The following CELF2 variants were observed in gnomAD, a reference collection of about 807,000 sequenced individuals.
The protein encoded by CELF2 is CUGBP Elav-like family member 2.
Under a neutral mutation model 62.6 loss-of-function variants are expected in CELF2, and 8 were observed. That is an observed-to-expected ratio of 0.13 (90% confidence interval 0.07 to 0.23). The LOEUF (loss-of-function observed/expected upper bound fraction) is 0.23. Ranked by LOEUF, CELF2 falls within the 10% of genes least tolerant of loss-of-function variation. CELF2 has a pLI of 1.00. For missense variants in CELF2, 333 were observed against 671.0 expected (o/e 0.50, Z 5.56); for synonymous variants, 258 against 250.0 (o/e 1.03, Z -0.30).
chr10:11,043,066 T>G (rs1460481953), intron 1 of CELF2, among the ~76,000 whole-genome samples: 1 of 152,212 alleles, frequency 6.6e-6, no homozygotes, highest in African/African-American at 2.4e-5. Context: ...ATGCAATAGT[T>G]TTTGAGGAAA....
At chr10:10,826,722 A>G (rs181513679) in intron 1 of CELF2, among the ~76,000 whole-genome samples, 4 of 152,354 alleles carry the variant, frequency 2.6e-5, no homozygotes, top group African/African-American at 7.2e-5. Flanking sequence ...GGAAATACCC[A>G]TGAGAGCACC....
intron 4 of CELF2, chr10:11,257,448 G>A (rs904634661): frequency 1.5e-5 from 4 of 266,396 alleles, no homozygotes; most frequent in Non-Finnish European, 3.0e-5. Context: ...GCGCATTACT[G>A]TTAGTTTCTG....
chr10:11,224,792 G>A lies in CELF2; in HGVS notation c.354+7285G>A, dbSNP rs531124284. The stretch of plus-strand genomic sequence containing the variant: ...TGCGCTCGTGAGTTCGGAGCCTGGA[G>A]CTTTAGGCCACACAAAAAGCATACA... On this transcript the variant is annotated intron_variant, in intron 3 of 12. Coordinates refer to ENST00000633077, the MANE Select transcript of CELF2 (RefSeq NM_001326342.2). The surrounding 1 kb of genome is among the most constrained non-coding windows in gnomAD (Gnocchi z 4.5). Among the ~76,000 whole-genome samples, 1 of 152,272 alleles carries A rather than the reference G, an allele frequency of 6.6e-6. No homozygotes were observed. The highest frequency in any genetic ancestry group is 1.9e-4 in the East Asian group (1 of 5,174).
At position 10,868,651 on chromosome 10, in the gene CELF2, G is replaced by A. The variant is rs567796337; in HGVS notation, c.54-51313G>A. The stretch of plus-strand genomic sequence containing the variant: ...TTTGGGGTCTACCATCTGCCACTGC[G>A]GAAACTCTCCTAGTTTTCATCTCCT... On this transcript the variant is annotated intron_variant, in intron 1 of 13. Transcript: ENST00000636488. Among the ~76,000 whole-genome samples the A allele has an allele frequency of 1.6e-3, 250 of 152,264 alleles. 1 individual carries two copies. Among genetic ancestry groups the A allele is most frequent in the African/African-American group, 5.7e-3 (235 of 41,554 alleles).
chr10:10,523,281 T>C, the CELF2 span, among the ~76,000 whole-genome samples: 421 of 152,352 alleles, frequency 2.8e-3, 1 homozygote, highest in African/African-American at 9.9e-3. Flanking sequence ...TTAGCAACAC[T>C]CTAGGCTTGA....
At chr10:10,974,696 C>G (rs777960007) in intron 2 of CELF2, among the ~76,000 whole-genome samples, 2 of 152,186 alleles carry the variant, frequency 1.3e-5, no homozygotes, top group Non-Finnish European at 2.9e-5. Flanking sequence ...AGAAGAAATG[C>G]TTGCTGGCTG....
the CELF2 span, among the ~76,000 whole-genome samples, chr10:10,547,565 G>C: frequency 6.6e-6 from 1 of 151,956 alleles, no homozygotes; most frequent in Admixed American, 6.6e-5. Context: ...AAGATCACCA[G>C]GTGTCACCTA....
intron 3 of CELF2, among the ~76,000 whole-genome samples, chr10:11,233,971 C>CT (rs2069957424): frequency 6.6e-6 from 1 of 152,196 alleles, no homozygotes; most frequent in Admixed American, 6.5e-5. Flanking sequence ...ATTGCTGCAT[C>CT]TTGTATCAGA....
intron 2 of CELF2, among the ~76,000 whole-genome samples, chr10:11,166,312 C>T (rs1200664115): frequency 3.9e-5 from 6 of 152,052 alleles, no homozygotes; most frequent in Non-Finnish European, 5.9e-5. Context: ...AGGGTTACGC[C>T]CTTATCAGTG....
chr10:11,173,829 A>C (rs1157211670), intron 2 of CELF2, among the ~76,000 whole-genome samples: 1 of 152,240 alleles, frequency 6.6e-6, no homozygotes, highest in East Asian at 1.9e-4. Context: ...GGAACCTAAG[A>C]AGGGCTGGAA....
chr10:11,210,847 C>T (rs955091526), intron 2 of CELF2, among the ~76,000 whole-genome samples: 1 of 152,220 alleles, frequency 6.6e-6, no homozygotes, highest in Non-Finnish European at 1.5e-5. Context: ...GTCCTCCTGC[C>T]TTGAATTTGA....
the CELF2 span, among the ~76,000 whole-genome samples, chr10:10,467,520 C>A: frequency 6.6e-6 from 1 of 151,996 alleles, no homozygotes; most frequent in Admixed American, 6.6e-5. Context: ...TATTCTCCAA[C>A]TTTCTCTTTT....
chr10:11,073,769 A>G (rs1426342668), intron 1 of CELF2, among the ~76,000 whole-genome samples: 1 of 152,142 alleles, frequency 6.6e-6, no homozygotes, highest in Non-Finnish European at 1.5e-5. Context: ...ACATAAGGTG[A>G]TGGCTGCAGG....
chr10:11,257,961 C>T (rs2079314787), intron 5 of CELF2, 89 bp downstream of exon 5: 1 of 1,470,562 alleles, frequency 6.8e-7, no homozygotes, highest in Non-Finnish European at 9.4e-7. Flanking sequence ...CCGCACACGG[C>T]AAGAGGTCAC....
At chr10:10,978,041 G>T (rs201095) in intron 2 of CELF2, among the ~76,000 whole-genome samples, 96,811 of 143,714 alleles carry the variant, frequency 0.67, 33,059 homozygotes, top group African/African-American at 0.83. Flanking sequence ...TTTGTTTTTT[G>T]TTTTTTTTTT....
At chr10:11,327,877 A>G (rs1227123102) in intron 12 of CELF2, among the ~76,000 whole-genome samples, 1 of 152,182 alleles carries the variant, frequency 6.6e-6, no homozygotes, top group Non-Finnish European at 1.5e-5. Flanking sequence ...TTAATAGCAG[A>G]TGGATAGAGG....
rs981390531 is a variant in CELF2, at chr10:11,117,931, A to G, written c.75-47555A>G. Reference sequence around the variant, plus strand: ...TTTTTTATAAGGCAGAATGCTTTGAATGCATTCTGCCTCAAAAGGCATTTT... The same window carrying G: ...TTTTTTATAAGGCAGAATGCTTTGAGTGCATTCTGCCTCAAAAGGCATTTT... On this transcript the variant is annotated intron_variant, in intron 1 of 12. Coordinates refer to ENST00000633077, the MANE Select transcript of CELF2 (RefSeq NM_001326342.2). The surrounding 1 kb of genome is among the most constrained non-coding windows in gnomAD (Gnocchi z 4.1). 6.6e-6 allele frequency among the ~76,000 whole-genome samples: 1 copy of G among 152,144 alleles called. No individual in the cohort carries two copies.
At chr10:10,816,254 T>C (rs761364806) in intron 1 of CELF2, among the ~76,000 whole-genome samples, 3 of 152,200 alleles carry the variant, frequency 2.0e-5, no homozygotes, top group Non-Finnish European at 4.4e-5. Flanking sequence ...ATAAATCCAT[T>C]GATTTACATT....
At position 11,330,290 on chromosome 10, in the gene CELF2, T is replaced by C. The variant is rs1468008880; in HGVS notation, c.*1237T>C. On this transcript the variant is annotated 3_prime_UTR_variant, in exon 13 of 13. Coordinates refer to ENST00000633077, the MANE Select transcript of CELF2 (RefSeq NM_001326342.2). This position sits in a 1 kb window ranked among gnomAD's most constrained non-coding sequence, Gnocchi z 4.5. ...CAGATGGATTCTCTTGGGGTTTCATTGTGCTGTGGATAAGGAGTGTAAGAA... is the reference window on the plus strand; with the variant it reads ...CAGATGGATTCTCTTGGGGTTTCATCGTGCTGTGGATAAGGAGTGTAAGAA... 6.6e-6 allele frequency: 1 copy of C among 152,630 alleles called. No homozygotes were observed. Among genetic ancestry groups the C allele is most frequent in the Non-Finnish European group, 1.5e-5 (1 of 68,048 alleles). 9.5% of individuals were successfully genotyped at this position (152,630 alleles called of 1,614,324 possible).
Sources: gnomAD v4.1 joint callset for allele counts (sites outside exome capture counted in the v4.1 genomes callset) on GRCh38, gnomAD v4.1.1 for gene constraint, Gnocchi (gnomAD v3.1) non-coding constraint, MANE v1.5 for transcripts, NCBI Gene and HGNC (gene_info 2026-07-23, HGNC 2026-07-21) for gene names.